NLRP9: variants seen among roughly 807,000 people sequenced by gnomAD.
NLRP9 encodes NACHT, LRR and PYD domains-containing protein 9.
A neutral mutation model predicts 83.1 loss-of-function variants in NLRP9; 88 were observed. The ratio of observed to expected loss-of-function variants is 1.06; its 90% CI spans 0.89 to 1.26. The LOEUF is 1.26. NLRP9 is among the 50% of genes most tolerant of loss of function. The pLI is 0.00. For missense variants in NLRP9, 1,308 were observed against 1,179.3 expected (o/e 1.11, Z -1.60); for synonymous variants, 521 against 447.6 (o/e 1.16, Z -2.07).
chr19:55,715,191 C>T lies in NLRP9; in HGVS notation c.2365G>A (p.Asp789Asn). 1 of 1,613,322 alleles carries T rather than the reference C, an allele frequency of 6.2e-7. No individual in the cohort carries two copies. Among genetic ancestry groups the T allele is most frequent in the Non-Finnish European group, 8.5e-7 (1 of 1,179,858 alleles). The change falls in exon 6 of 9, where the codon GAC (aspartate) becomes AAC (asparagine). Residue 789 changes from aspartate to asparagine, a missense_variant. Coordinates refer to ENST00000332836, the MANE Select transcript of NLRP9 (RefSeq NM_176820.4). ...CACAAGAGGACTTCGGAAATGGAGT[C>T]ACAGGAGACAGAGGTGAGACAGCAG... is the stretch of plus-strand genomic sequence containing the variant. ...MYCCLTSVSC[D>N]SISEVLLCSK...
chr19:55,712,618 G>C, intron 6 of NLRP9, 28 bp from the exon 7 acceptor site: 1 of 1,599,466 alleles, frequency 6.3e-7, no homozygotes, highest in Non-Finnish European at 8.5e-7. Context: ...ACACAAATAC[G>C]TACACTTATG....
rs552033878 is a variant in NLRP9 at position 55,732,805 on chromosome 19, C to T, written c.1026G>A (p.Leu342=). ...ILCHNPFTCW[L]VCTCVKQRLE... The stretch of plus-strand genomic sequence containing the variant: ...GCCTCTGTTTCACACAAGTACAGAC[C>T]AACCAGCACGTAAAGGGATTATGGC... Residue 342 remains leucine, a synonymous_variant, in exon 2 of 9, where the codon TTG becomes TTA. Coordinates refer to ENST00000332836, the MANE Select transcript of NLRP9 (RefSeq NM_176820.4). 1.9e-6 allele frequency: 3 copies of T among 1,614,120 alleles called. No individual in the cohort carries two copies. Among genetic ancestry groups the T allele is most frequent in the South Asian group, 1.1e-5 (1 of 91,076 alleles).
chr19:55,710,287 C>T (rs1206299485), intron 8 of NLRP9, among the ~76,000 whole-genome samples: 4 of 152,068 alleles, frequency 2.6e-5, no homozygotes, highest in Admixed American at 2.6e-4. Flanking sequence ...GTCTCTGTCT[C>T]CTCTCTGAAT....
rs578149082 is a variant in NLRP9 at position 55,712,449 on chromosome 19, C to A, written c.2643G>T (p.Gln881His). The change falls in exon 7 of 9, where the codon CAG (glutamine) becomes CAT (histidine). Residue 881 changes from glutamine (Q) to histidine (H), a missense_variant. Coordinates refer to ENST00000332836, the MANE Select transcript of NLRP9 (RefSeq NM_176820.4). The part of the protein sequence containing the change: ...TGVRQLCAAL[Q>H]HPHCKLECLG... ...GACACTCTAATTTACAGTGAGGATGCTGCAAAGCTGCACATAACTGTCTGA... is the reference window on the plus strand; with the variant it reads ...GACACTCTAATTTACAGTGAGGATGATGCAAAGCTGCACATAACTGTCTGA... 69 of 1,612,750 alleles carry A rather than the reference C, an allele frequency of 4.3e-5. No homozygotes were observed. In the South Asian group the frequency reaches 6.8e-4, roughly 16 times the overall value.
In NLRP9 at chr19:55,733,192, G is replaced by A. The variant is rs747611549; in HGVS notation, c.639C>T (p.Ile213=). Residue 213 remains isoleucine, a synonymous_variant, in exon 2 of 9, where the codon ATC becomes ATT. Transcript: ENST00000332836. The stretch of plus-strand genomic sequence containing the variant: ...TCTCTGGCTGGGAAAAAATGTCTTC[G>A]ATCTTCTCTGAAGACTCCGGCCAGT... ...SRDWPESSEK[I]EDIFSQPERI... is the part of the protein sequence containing the mutation. 11 of 1,613,318 alleles carry A rather than the reference G, an allele frequency of 6.8e-6. No homozygotes were observed. Among genetic ancestry groups the A allele is most frequent in the Admixed American group, 6.7e-5 (4 of 59,932 alleles).
intron 1 of NLRP9, among the ~76,000 whole-genome samples, chr19:55,735,638 T>C (rs552158986): frequency 6.6e-6 from 1 of 152,316 alleles, no homozygotes; most frequent in African/African-American, 2.4e-5. Flanking sequence ...TATGGACATC[T>C]TTCTAAATTC....
chr19:55,716,896 A>G lies in NLRP9; in HGVS notation c.2162T>C (p.Leu721Pro), dbSNP rs1466389096. The change falls in exon 5 of 9, where the codon CTG becomes CCG. Residue 721 changes from leucine to proline, a missense_variant and splice_region_variant. Coordinates refer to ENST00000332836, the MANE Select transcript of NLRP9 (RefSeq NM_176820.4). ...TTCACTGGAGATGTCACACTTTCCC[A>G]GTCTACATGTGAAACACACACCATG... The part of the protein sequence containing the change: ...HPMCKIEELI[L>P]GKCDISSEVC... 6.2e-7 allele frequency: 1 copy of G among 1,613,596 alleles called. No individual in the cohort carries two copies. Among genetic ancestry groups the G allele is most frequent in the Non-Finnish European group, 8.5e-7 (1 of 1,179,682 alleles).
In NLRP9 at chr19:55,711,818, C is replaced by T. The variant is rs1987739416; in HGVS notation, c.2825G>A (p.Cys942Tyr). ...VLCEALSHPD[C>Y]ALQMLGLHKS... ...CACTCACCCCAGCATCTGCAGGGCA[C>T]AGTCCGGGTGGCTCAATGCCTCACA... Residue 942 changes from cysteine (C) to tyrosine (Y), a missense_variant, in exon 8 of 9, where the codon TGT (cysteine) becomes TAT (tyrosine). Cys to Tyr is a radical substitution (Grantham distance 194, BLOSUM62 -2). Transcript: ENST00000332836. 3 of 1,613,162 alleles carry T rather than the reference C, an allele frequency of 1.9e-6. No homozygotes were observed. The highest frequency in any genetic ancestry group is 3.3e-5 in the Admixed American group (2 of 59,982).
chr19:55,725,609 A>G (rs1414733856), intron 3 of NLRP9, among the ~76,000 whole-genome samples: 2 of 152,120 alleles, frequency 1.3e-5, no homozygotes, highest in Non-Finnish European at 2.9e-5. Context: ...ACACCCAGGT[A>G]CCACCTGCCC....
chr19:55,716,786 C>T lies in NLRP9; in HGVS notation c.2272G>A (p.Gly758Arg), dbSNP rs760516432. 2 of 1,613,926 alleles carry T rather than the reference C, an allele frequency of 1.2e-6. No individual in the cohort carries two copies. The highest frequency in any genetic ancestry group is 1.7e-6 in the Non-Finnish European group (2 of 1,179,932). ...SLVENPLRDEGMTLLCEALKH... is the reference protein window; with the variant it reads ...SLVENPLRDERMTLLCEALKH... ...AGGGCTTCACACAGCAACGTCATTCCTTCGTCCCTCAAGGGATTTTCTACC... is the reference window on the plus strand; with the variant it reads ...AGGGCTTCACACAGCAACGTCATTCTTTCGTCCCTCAAGGGATTTTCTACC... Residue 758 changes from glycine to arginine, a missense_variant, in exon 5 of 9, where the codon GGA becomes AGA. By Grantham distance (125) the Gly-to-Arg change is moderately radical. Transcript: ENST00000332836.
At chr19:55,712,283 G>A in intron 7 of NLRP9, 137 bp downstream of exon 7, 2 of 750,446 alleles carry the variant, frequency 2.7e-6, no homozygotes, top group Non-Finnish European at 4.3e-6. Flanking sequence ...CAAACCCTGG[G>A]GCAGCATTTT....
intron 6 of NLRP9, among the ~76,000 whole-genome samples, chr19:55,713,333 G>C (rs1447928917): frequency 6.6e-6 from 1 of 151,616 alleles, no homozygotes; most frequent in African/African-American, 2.4e-5. Context: ...AGAGGATAGG[G>C]GACAGATGAA....
chr19:55,725,393 G>T (rs190715001), intron 3 of NLRP9, among the ~76,000 whole-genome samples: 2 of 152,148 alleles, frequency 1.3e-5, no homozygotes, highest in African/African-American at 4.8e-5. Flanking sequence ...TACAGCAGAT[G>T]AGCGCACCCT....
intron 3 of NLRP9, among the ~76,000 whole-genome samples, chr19:55,726,632 A>G (rs1332263103): frequency 6.6e-6 from 1 of 152,208 alleles, no homozygotes; most frequent in Non-Finnish European, 1.5e-5. Context: ...TTTCTCAAGT[A>G]TAACTTCTTC....
chr19:55,723,727 C>CAAA (rs10711721), intron 4 of NLRP9, among the ~76,000 whole-genome samples: 3,431 of 79,284 alleles, frequency 0.043, 212 homozygotes, highest in African/African-American at 0.14. Flanking sequence ...GACCCTGTCT[C>CAAA]AAAAAAAAAA....
chr19:55,716,758 T>C lies in NLRP9; in HGVS notation c.2300A>G (p.Lys767Arg). The C allele has an allele frequency of 6.2e-7, 1 of 1,613,926 alleles. No homozygotes were observed. The highest frequency in any genetic ancestry group is 8.5e-7 in the Non-Finnish European group (1 of 1,179,912). Residue 767 changes from lysine (K) to arginine (R), a missense_variant, in exon 5 of 9, where the codon AAG (lysine) becomes AGG (arginine). Coordinates refer to ENST00000332836, the MANE Select transcript of NLRP9 (RefSeq NM_176820.4). ...CCTCTCCAGGGCACAGTGTGAGTGC[T>C]TCAGGGCTTCACACAGCAACGTCAT... is the stretch of plus-strand genomic sequence containing the variant. The part of the protein sequence containing the change: ...EGMTLLCEAL[K>R]HSHCALERLM...
intron 8 of NLRP9, 96 bp from the exon 9 acceptor site, chr19:55,709,140 T>C: frequency 1.2e-6 from 1 of 806,714 alleles, no homozygotes; most frequent in Non-Finnish European, 1.8e-6. Flanking sequence ...CTCCTCTTTA[T>C]TCTTTCCTAG....
Position 55,708,833 on chromosome 19 carries a change from C to T in NLRP9, c.*79G>A, listed in dbSNP as rs1987559185. 4.1e-6 allele frequency: 4 copies of T among 972,388 alleles called. No homozygotes were observed. Among genetic ancestry groups the T allele is most frequent in the African/African-American group, 1.7e-5 (1 of 58,276 alleles). 60.2% of individuals were successfully genotyped at this position (972,388 alleles called of 1,614,324 possible). A position where few individuals can be genotyped will look rare whatever the true frequency, so the allele number is the denominator to read the frequency against. The stretch of plus-strand genomic sequence containing the variant: ...GCCCTGCTGCCATGATGTGCAATTA[C>T]AGGATAGAGGTGCCAGGTGAAGGTC... On this transcript the variant is annotated 3_prime_UTR_variant, in exon 9 of 9. Transcript: ENST00000332836.
Position 55,733,397 on chromosome 19 carries a change from C to T in NLRP9, c.434G>A (p.Arg145Gln), listed in dbSNP as rs773656654. ...AGGACCTTCCAGGACCACAGTGTGT[C>T]GTCTAGCCGCAGCAGTATATGCGTC... ...LNDAYTAAAR[R>Q]HTVVLEGPDG... The change falls in exon 2 of 9, where the codon CGA (arginine) becomes CAA (glutamine). Residue 145 changes from arginine (R) to glutamine (Q), a missense_variant. Physicochemically the swap from Arg to Gln is conservative, Grantham distance 43. Coordinates refer to ENST00000332836, the MANE Select transcript of NLRP9 (RefSeq NM_176820.4). 8.1e-6 allele frequency: 13 copies of T among 1,613,960 alleles called. No homozygotes were observed. In the East Asian group the frequency reaches 1.8e-4, roughly 22 times the overall value.
Sources: gnomAD v4.1 joint callset for allele counts (sites outside exome capture counted in the v4.1 genomes callset) on GRCh38, gnomAD v4.1.1 for gene constraint, MANE v1.5 for transcripts, NCBI Gene and HGNC (gene_info 2026-07-23, HGNC 2026-07-21) for gene names.